Variants in OLFM3 observed in about 807,000 individuals in gnomAD.
OLFM3 encodes the protein olfactomedin 3.
OLFM3 carries 20 observed loss-of-function variants against 48.6 expected under a neutral mutation model. The ratio of observed to expected loss-of-function variants is 0.41; its 90% CI spans 0.29 to 0.60. The LOEUF (loss-of-function observed/expected upper bound fraction) is 0.60, where lower values mean the gene tolerates loss of function less well. Among genes scored for constraint, OLFM3 ranks in the 20% least tolerant of loss-of-function variants. The probability of loss-of-function intolerance (pLI) is 0.28; values close to 1 mark genes in which losing one functional copy is unlikely to be tolerated. For missense variants in OLFM3, 437 were observed against 544.3 expected (o/e 0.80, Z 1.96); for synonymous variants, 222 against 198.1 (o/e 1.12, Z -1.01).
intron 1 of OLFM3, among the ~76,000 whole-genome samples, chr1:101,948,156 TG>T (rs1274397010): frequency 6.6e-6 from 1 of 152,214 alleles, no homozygotes; most frequent in Non-Finnish European, 1.5e-5. Flanking sequence ...ATACAATTAC[TG>T]ATAAAACAAA....
At chr1:101,927,209 G>A (rs1451426197) in intron 1 of OLFM3, among the ~76,000 whole-genome samples, 2 of 152,016 alleles carry the variant, frequency 1.3e-5, no homozygotes, top group Non-Finnish European at 2.9e-5. Flanking sequence ...GAGAAAAGAA[G>A]TAAAAACTGC....
intron 1 of OLFM3, among the ~76,000 whole-genome samples, chr1:101,938,720 GGGATCTGTTA>G (rs905854114): frequency 3.3e-5 from 5 of 152,206 alleles, no homozygotes; most frequent in Admixed American, 2.6e-4. Context: ...ACATACTAGA[GGGATCTGTTA>G]GGCCCACTCC....
intron 1 of OLFM3, among the ~76,000 whole-genome samples, chr1:101,974,159 T>TA (rs5776615): frequency 0.25 from 36,779 of 145,844 alleles, 4,983 homozygotes; most frequent in Middle Eastern, 0.38. Context: ...CGGTGGATGC[T>TA]AAAAAAAAAA....
intron 1 of OLFM3, among the ~76,000 whole-genome samples, chr1:101,860,142 T>C (rs1434582973): frequency 1.3e-5 from 2 of 152,014 alleles, no homozygotes; most frequent in African/African-American, 4.8e-5. Flanking sequence ...GAGTGAGGAT[T>C]GCCCAGAGGC....
At chr1:101,943,973 T>C (rs1659875403) in intron 1 of OLFM3, among the ~76,000 whole-genome samples, 1 of 151,436 alleles carries the variant, frequency 6.6e-6, no homozygotes, top group Admixed American at 6.6e-5. Flanking sequence ...TATGATAAAA[T>C]AACCCCAAAA....
At chr1:101,869,005 G>A (rs1656967491) in intron 1 of OLFM3, among the ~76,000 whole-genome samples, 1 of 152,204 alleles carries the variant, frequency 6.6e-6, no homozygotes, top group African/African-American at 2.4e-5. Context: ...GGATATCCAG[G>A]CAGAAGTTTG....
chr1:101,894,721 AG>A (rs1464666401), intron 1 of OLFM3, among the ~76,000 whole-genome samples: 1 of 152,156 alleles, frequency 6.6e-6, no homozygotes, highest in East Asian at 1.9e-4. Flanking sequence ...TGTGTTTCAA[AG>A]TCCAATAAAG....
chr1:101,829,479 A>G (rs1364926686), intron 3 of OLFM3, among the ~76,000 whole-genome samples: 1 of 152,154 alleles, frequency 6.6e-6, no homozygotes, highest in East Asian at 1.9e-4. Flanking sequence ...TTCAGGGTGT[A>G]ATGTTCTTCT....
At chr1:101,806,209 T>G (rs1230713062) in intron 4 of OLFM3, 27 bp from the exon 5 acceptor site, 1 of 1,570,062 alleles carries the variant, frequency 6.4e-7, no homozygotes, top group Admixed American at 1.7e-5. Context: ...ACAAACGTGT[T>G]AGGTGAACGC....
chr1:101,846,713 C>T (rs1656011857), intron 1 of OLFM3: 8 of 634,084 alleles, frequency 1.3e-5, no homozygotes, highest in Non-Finnish European at 2.0e-5. Flanking sequence ...ATGAAAGTTA[C>T]CACATAGTTA....
chr1:101,837,391 G>A (rs1655480422), intron 1 of OLFM3, among the ~76,000 whole-genome samples: 1 of 152,118 alleles, frequency 6.6e-6, no homozygotes, highest in East Asian at 1.9e-4. Flanking sequence ...CTTCTTAACA[G>A]TAAATGACAA....
At chr1:101,990,711 C>G (rs980320882) in intron 1 of OLFM3, among the ~76,000 whole-genome samples, 1 of 151,760 alleles carries the variant, frequency 6.6e-6, no homozygotes, top group Admixed American at 6.6e-5. Context: ...GGTGGCCGGG[C>G]GCGGTGGCTC....
intron 1 of OLFM3, among the ~76,000 whole-genome samples, chr1:101,925,696 CT>C (rs35232746): frequency 0.46 from 67,397 of 146,160 alleles, 15,441 homozygotes; most frequent in East Asian, 0.64. Context: ...TTAATTAATT[CT>C]TTTTTTTTTT....
intron 1 of OLFM3, among the ~76,000 whole-genome samples, chr1:101,957,709 G>C (rs557761063): frequency 1.0e-3 from 158 of 152,120 alleles, no homozygotes; most frequent in Non-Finnish European, 2.0e-3. Context: ...TCTGGGAAGA[G>C]GCTGAATAAT....
At chr1:101,827,458 T>C (rs1165331937) in intron 3 of OLFM3, among the ~76,000 whole-genome samples, 1 of 152,162 alleles carries the variant, frequency 6.6e-6, no homozygotes, top group Non-Finnish European at 1.5e-5. Flanking sequence ...TGGCTGGGAC[T>C]ACAAGCGCCT....
intron 1 of OLFM3, among the ~76,000 whole-genome samples, chr1:101,870,031 G>C (rs1380046739): frequency 6.6e-6 from 1 of 152,114 alleles, no homozygotes; most frequent in Non-Finnish European, 1.5e-5. Context: ...AAAATGCTTA[G>C]TGTAATGCCA....
chr1:101,875,763 T>A (rs1332944636), intron 1 of OLFM3, among the ~76,000 whole-genome samples: 1 of 111,202 alleles, frequency 9.0e-6, no homozygotes, highest in Non-Finnish European at 2.1e-5. Context: ...TGGAATTGAG[T>A]TGGAGAATGT....
intron 1 of OLFM3, among the ~76,000 whole-genome samples, chr1:101,849,680 G>A (rs1656149511): frequency 6.6e-6 from 1 of 152,098 alleles, no homozygotes; most frequent in African/African-American, 2.4e-5. Context: ...GAGATGATGA[G>A]GTCCTGAAAT....
At chr1:101,877,514 A>G (rs1460499159) in intron 1 of OLFM3, among the ~76,000 whole-genome samples, 1 of 151,962 alleles carries the variant, frequency 6.6e-6, no homozygotes, top group East Asian at 1.9e-4. Flanking sequence ...ACTATTACAT[A>G]AAATAAACAG....
Sources: allele counts gnomAD v4.1 joint callset (sites outside exome capture counted in the v4.1 genomes callset), GRCh38; gene constraint gnomAD v4.1.1; transcripts MANE v1.5; gene names NCBI Gene and HGNC (gene_info 2026-07-23, HGNC 2026-07-21).